The following KCNIP4 variants were observed in gnomAD, a reference collection of about 807,000 sequenced individuals.
The protein encoded by KCNIP4 is Kv channel-interacting protein 4.
In KCNIP4, 12 loss-of-function variants were observed where a neutral mutation model predicts 34.0. The ratio of observed to expected loss-of-function variants is 0.35; its 90% CI spans 0.23 to 0.57. The LOEUF is 0.57. Among genes scored for constraint, KCNIP4 ranks in the 20% least tolerant of loss-of-function variants. The pLI, the probability that KCNIP4 is intolerant of heterozygous loss-of-function variation, is 0.83. For missense variants in KCNIP4, 238 were observed against 311.7 expected (o/e 0.76, Z 1.78); for synonymous variants, 124 against 102.2 (o/e 1.21, Z -1.29).
intron 1 of KCNIP4, among the ~76,000 whole-genome samples, chr4:21,291,867 A>AAAGAAAGAAAG (rs1560259756): frequency 3.9e-5 from 2 of 51,114 alleles, no homozygotes; most frequent in South Asian, 1.0e-3. Context: ...AAAAAAAAAA[A>AAAGAAAGAAAG]AAAGAAAGAA....
intron 1 of KCNIP4, among the ~76,000 whole-genome samples, chr4:21,569,036 C>A (rs536908477): frequency 2.6e-5 from 4 of 151,726 alleles, no homozygotes; most frequent in Non-Finnish European, 5.9e-5. Flanking sequence ...GCATTCAGAG[C>A]GAATCAACCC....
chr4:21,707,092 C>T (rs1713336314), intron 1 of KCNIP4, among the ~76,000 whole-genome samples: 1 of 152,158 alleles, frequency 6.6e-6, no homozygotes, highest in Non-Finnish European at 1.5e-5. Flanking sequence ...ACCCTACTGG[C>T]ATAGGAAGTC....
chr4:21,553,786 CAA>C (rs1738769883), intron 1 of KCNIP4, among the ~76,000 whole-genome samples: 1 of 152,078 alleles, frequency 6.6e-6, no homozygotes, highest in Admixed American at 6.6e-5. Context: ...TAGCATAAAT[CAA>C]GAGAGTGTCT....
intron 1 of KCNIP4, among the ~76,000 whole-genome samples, chr4:21,289,850 C>T (rs1285702113): frequency 6.6e-6 from 1 of 152,106 alleles, no homozygotes; most frequent in Non-Finnish European, 1.5e-5. Context: ...GCCAAGCAGC[C>T]ACAGACTCCC....
At chr4:21,285,749 G>A (rs764901075) in intron 1 of KCNIP4, among the ~76,000 whole-genome samples, 11 of 152,120 alleles carry the variant, frequency 7.2e-5, no homozygotes, top group Non-Finnish European at 1.5e-4. Context: ...GCTGAGGCAG[G>A]AGAATCACTT....
At chr4:21,726,462 A>G (rs113958186) in intron 1 of KCNIP4, among the ~76,000 whole-genome samples, 1,679 of 152,248 alleles carry the variant, frequency 0.011, 11 homozygotes, top group Middle Eastern at 0.02. Context: ...TTCCCTAACT[A>G]TGGGATGACC....
intron 1 of KCNIP4, among the ~76,000 whole-genome samples, chr4:21,899,422 A>G (rs1225254731): frequency 6.6e-6 from 1 of 152,170 alleles, no homozygotes; most frequent in Non-Finnish European, 1.5e-5. Flanking sequence ...ATATAGTACT[A>G]GAAGTCCTAG....
chr4:21,543,745 A>G (rs979688726), intron 1 of KCNIP4, among the ~76,000 whole-genome samples: 2 of 152,116 alleles, frequency 1.3e-5, no homozygotes, highest in South Asian at 2.1e-4. Context: ...CCTTACCTAC[A>G]TTGTCTTGTA....
chr4:21,724,204 G>T (rs1209537835), intron 1 of KCNIP4, among the ~76,000 whole-genome samples: 1 of 151,976 alleles, frequency 6.6e-6, no homozygotes, highest in Non-Finnish European at 1.5e-5. Flanking sequence ...AGGTGTCTAA[G>T]AAAGATCCCT....
At chr4:21,000,929 T>C (rs1738074173) in intron 1 of KCNIP4, among the ~76,000 whole-genome samples, 1 of 152,208 alleles carries the variant, frequency 6.6e-6, no homozygotes, top group Non-Finnish European at 1.5e-5. Flanking sequence ...CCACTCCCAA[T>C]TCTTCCTCAC....
chr4:21,580,057 T>G (rs1049294679), intron 1 of KCNIP4, among the ~76,000 whole-genome samples: 2 of 152,144 alleles, frequency 1.3e-5, no homozygotes, highest in Non-Finnish European at 2.9e-5. Flanking sequence ...TAAAACATAT[T>G]TACTTGTGTA....
Position 21,285,551 on chromosome 4 carries a change from G to A in KCNIP4, c.62-402842C>T, listed in dbSNP as rs148842127. Among the ~76,000 whole-genome samples the A allele has an allele frequency of 5.8e-3, 890 of 152,154 alleles. 5 individuals are homozygous for A. Among genetic ancestry groups the A allele is most frequent in the Middle Eastern group, 0.02 (6 of 294 alleles). Reference sequence around the variant, plus strand: ...TACAATCTATAAAACAAACAAGGCCGGGCGTGGTGGCTCATGCCTGTAATC... The same window carrying A: ...TACAATCTATAAAACAAACAAGGCCAGGCGTGGTGGCTCATGCCTGTAATC... On this transcript the variant is annotated intron_variant, in intron 1 of 8. Transcript: ENST00000382152.
At chr4:21,600,886 G>C (rs1202989217) in intron 1 of KCNIP4, among the ~76,000 whole-genome samples, 1 of 151,770 alleles carries the variant, frequency 6.6e-6, no homozygotes, top group Non-Finnish European at 1.5e-5. Context: ...TCAGGTACCT[G>C]CTAATAGACA....
intron 1 of KCNIP4, among the ~76,000 whole-genome samples, chr4:21,013,597 G>T (rs540551568): frequency 1.3e-5 from 2 of 152,138 alleles, no homozygotes; most frequent in Non-Finnish European, 2.9e-5. Context: ...AGGCATTTCA[G>T]TTCTGTCAAC....
At chr4:21,931,628 A>G (rs984400982) in intron 1 of KCNIP4, among the ~76,000 whole-genome samples, 6 of 151,942 alleles carry the variant, frequency 3.9e-5, no homozygotes, top group Non-Finnish European at 8.8e-5. Flanking sequence ...ATAGTATTCA[A>G]ATGTATTCAA....
intron 1 of KCNIP4, among the ~76,000 whole-genome samples, chr4:20,943,088 G>T (rs1357232121): frequency 6.6e-6 from 1 of 151,724 alleles, no homozygotes; most frequent in Non-Finnish European, 1.5e-5. Context: ...GGAAATCCCA[G>T]AGTACAGCTG....
chr4:20,925,061 G>A (rs1729764767), intron 1 of KCNIP4, among the ~76,000 whole-genome samples: 1 of 152,056 alleles, frequency 6.6e-6, no homozygotes, highest in South Asian at 2.1e-4. Flanking sequence ...TGTGAAAATG[G>A]TCTGAATCAC....
chr4:21,937,095 T>C (rs1729900604), intron 1 of KCNIP4, among the ~76,000 whole-genome samples: 1 of 152,100 alleles, frequency 6.6e-6, no homozygotes, highest in Non-Finnish European at 1.5e-5. Context: ...CATCTCTCTA[T>C]TCCTAATACT....
At chr4:21,008,089 A>G (rs113636254) in intron 1 of KCNIP4, among the ~76,000 whole-genome samples, 1 of 152,246 alleles carries the variant, frequency 6.6e-6, no homozygotes, top group African/African-American at 2.4e-5. Flanking sequence ...CCACCAGGCA[A>G]TACTGCTCAG....
Sources: gnomAD v4.1 joint callset for allele counts (sites outside exome capture counted in the v4.1 genomes callset) on GRCh38, gnomAD v4.1.1 for gene constraint, MANE v1.5 for transcripts, NCBI Gene and HGNC (gene_info 2026-07-23, HGNC 2026-07-21) for gene names.